GLI1: variants seen among roughly 807,000 people sequenced by gnomAD.
GLI1 encodes the protein transcription activator GLI1.
Under a neutral mutation model 87.8 loss-of-function variants are expected in GLI1, and 51 were observed. That is an observed-to-expected ratio of 0.58 (90% CI 0.46 to 0.73). The LOEUF (loss-of-function observed/expected upper bound fraction) is 0.73. GLI1 is among the 30% of genes least tolerant of loss of function. The pLI, the probability that GLI1 is intolerant of heterozygous loss-of-function variation, is 0.00. For missense variants in GLI1, 1,292 were observed against 1,437.2 expected (o/e 0.90, Z 1.63); for synonymous variants, 528 against 558.2 (o/e 0.95, Z 0.76).
intron 1 of GLI1, among the ~76,000 whole-genome samples, chr12:57,461,062 C>T (rs186098270): frequency 3.3e-5 from 5 of 152,048 alleles, no homozygotes; most frequent in African/African-American, 7.2e-5. Context: ...GACCACCCTG[C>T]CTGCCCTTGC....
Position 57,471,466 on chromosome 12 carries a change from T to C in GLI1, c.2726T>C (p.Leu909Pro). ...TATGTTCAATCTCAACAGGAGCTACTGTGGGAGGGTGGGGGCAGGGAAGAT... is the reference window on the plus strand; with the variant it reads ...TATGTTCAATCTCAACAGGAGCTACCGTGGGAGGGTGGGGGCAGGGAAGAT... The part of the protein sequence containing the change: ...CNYVQSQQEL[L>P]WEGGGREDAP... The change falls in exon 12 of 12, where the codon CTG becomes CCG. Residue 909 changes from leucine to proline, a missense_variant. Transcript: ENST00000228682. The surrounding 1 kb of genome is among the most constrained non-coding windows in gnomAD (Gnocchi z 4.9). The C allele has an allele frequency of 1.2e-6, 2 of 1,613,182 alleles. No individual in the cohort carries two copies. Among genetic ancestry groups the C allele is most frequent in the Non-Finnish European group, 1.7e-6 (2 of 1,179,348 alleles).
intron 11 of GLI1, 114 bp from the exon 12 acceptor site, chr12:57,470,203 T>A: frequency 1.3e-6 from 1 of 760,680 alleles, no homozygotes; most frequent in Non-Finnish European, 2.2e-6. Context: ...ACAGACTGGT[T>A]AGGGATAACG....
At position 57,468,109 on chromosome 12, in the gene GLI1, G is replaced by A. The variant is rs376293205; in HGVS notation, c.1193G>A (p.Arg398His). The change falls in exon 10 of 12, where the codon CGT becomes CAT. Residue 398 changes from arginine (R) to histidine (H), a missense_variant. By Grantham distance (29) the Arg-to-His change is conservative. Coordinates refer to ENST00000228682, the MANE Select transcript of GLI1 (RefSeq NM_005269.3). ...GPDAHVTKRHRGDGPLPRAPS... is the reference protein window; with the variant it reads ...GPDAHVTKRHHGDGPLPRAPS... The stretch of plus-strand genomic sequence containing the variant: ...GACGCCCATGTGACCAAACGGCACC[G>A]TGGGGATGGCCCCCTGCCTCGGGCA... 34 of 1,614,008 alleles carry A rather than the reference G, an allele frequency of 2.1e-5. No homozygotes were observed. Among genetic ancestry groups the A allele is most frequent in the East Asian group, 6.7e-5 (3 of 44,894 alleles).
chr12:57,463,175 T>C (rs1251304011), intron 1 of GLI1, among the ~76,000 whole-genome samples: 2 of 152,086 alleles, frequency 1.3e-5, no homozygotes, highest in Non-Finnish European at 2.9e-5. Context: ...CCTCTGCCTC[T>C]CTGGGACATC....
Position 57,470,810 on chromosome 12 carries a change from C to A in GLI1, c.2070C>A (p.Pro690=), listed in dbSNP as rs574150246. 3.1e-6 allele frequency: 5 copies of A among 1,611,192 alleles called. No homozygotes were observed. Among genetic ancestry groups the A allele is most frequent in the Non-Finnish European group, 4.2e-6 (5 of 1,178,424 alleles). The change falls in exon 12 of 12, where the codon CCC becomes CCA. Residue 690 remains proline (P), a synonymous_variant. Coordinates refer to ENST00000228682, the MANE Select transcript of GLI1 (RefSeq NM_005269.3). ...LPTSVYSPQP[P]SITENAAMDA... ...CCTCTGTCTACTCACCACAGCCCCCCAGCATCACTGAGAATGCTGCCATGG... is the reference window on the plus strand; with the variant it reads ...CCTCTGTCTACTCACCACAGCCCCCAAGCATCACTGAGAATGCTGCCATGG...
Position 57,472,171 on chromosome 12 carries a change from G to A in GLI1, c.*110G>A. 1 of 711,290 alleles carries A rather than the reference G, an allele frequency of 1.4e-6. No homozygotes were observed. The highest frequency in any genetic ancestry group is 2.2e-6 in the Non-Finnish European group (1 of 451,002). 44.1% of individuals were successfully genotyped at this position (711,290 alleles called of 1,614,324 possible). A position where few individuals can be genotyped will look rare whatever the true frequency, so the allele number is the denominator to read the frequency against. On this transcript the variant is annotated 3_prime_UTR_variant, in exon 12 of 12. Transcript: ENST00000228682. ...TGCACAAGATGCCCCAGGGATGGGAGGTATGGGCTGGGGGCTATGTATAGT... is the reference window on the plus strand; with the variant it reads ...TGCACAAGATGCCCCAGGGATGGGAAGTATGGGCTGGGGGCTATGTATAGT...
chr12:57,464,940 A>G, intron 4 of GLI1, 72 bp downstream of exon 4: 1 of 1,299,740 alleles, frequency 7.7e-7, no homozygotes, highest in Non-Finnish European at 1.1e-6. Context: ...AAGCCCTCAA[A>G]CTACCTAACC....
chr12:57,470,401 C>G lies in GLI1; in HGVS notation c.1661C>G (p.Thr554Ser). The G allele has an allele frequency of 1.9e-6, 3 of 1,613,788 alleles. No individual in the cohort carries two copies. Among genetic ancestry groups the G allele is most frequent in the South Asian group, 1.1e-5 (1 of 91,042 alleles). ...TCCAGCAGCATCAGCTCTGCCTATACTGTCAGCCGCCGCTCCTCCCTGGCC... is the reference window on the plus strand; with the variant it reads ...TCCAGCAGCATCAGCTCTGCCTATAGTGTCAGCCGCCGCTCCTCCCTGGCC... ...SSSSSISSAYTVSRRSSLASP... is the reference protein window; with the variant it reads ...SSSSSISSAYSVSRRSSLASP... The change falls in exon 12 of 12, where the codon ACT (threonine) becomes AGT (serine). Residue 554 changes from threonine to serine, a missense_variant. Thr to Ser is a moderately conservative substitution (Grantham distance 58). Transcript: ENST00000228682.
At position 57,467,463 on chromosome 12, in the gene GLI1, G is replaced by A. The variant is rs745587766; in HGVS notation, c.1043G>A (p.Arg348Gln). 1.2e-6 allele frequency: 2 copies of A among 1,609,570 alleles called. No homozygotes were observed. Among genetic ancestry groups the A allele is most frequent in the Non-Finnish European group, 1.7e-6 (2 of 1,176,202 alleles). ...AAAGCCTTCAGCAATGCCAGTGACC[G>A]AGCCAAGCACCAGAATCGGACCCAT... ...CSKAFSNASD[R>Q]AKHQNRTHSN... The change falls in exon 9 of 12, where the codon CGA becomes CAA. Residue 348 changes from arginine (R) to glutamine (Q), a missense_variant. Physicochemically the swap from Arg to Gln is conservative, Grantham distance 43. This residue lies in a region of GLI1 where 897 missense variants were observed against 1,040.7 expected (regional missense o/e 0.86). Transcript: ENST00000228682.
In GLI1 at chr12:57,465,858, TG is replaced by T; in HGVS notation, c.696del (p.Tyr233MetfsTer47). ...GAGGAGAAGCGTGAGCCTGAATCTG[TG>T]TATGAAACTGACTGCCGTTGGGATG... Reference protein sequence around the residue: ...EREEKREPESVYETDCRWDGC... With the variant: ...EREEKREPESXYETDCRWDGC... On this transcript the variant is annotated frameshift_variant, in exon 7 of 12. Coordinates refer to ENST00000228682, the MANE Select transcript of GLI1 (RefSeq NM_005269.3). LOFTEE classifies it high-confidence loss of function. The T allele has an allele frequency of 6.2e-7, 1 of 1,614,048 alleles. No individual in the cohort carries two copies. Among genetic ancestry groups the T allele is most frequent in the Non-Finnish European group, 8.5e-7 (1 of 1,179,892 alleles).
chr12:57,461,393 TGGA>T lies in GLI1; in HGVS notation c.-28+1195_-28+1197del, dbSNP rs1871130523. Among the ~76,000 whole-genome samples, 6 of 152,044 alleles carry T rather than the reference TGGA, an allele frequency of 3.9e-5. No individual in the cohort carries two copies. The South Asian group carries it at 1.2e-3, about 32-fold the overall frequency. On this transcript the variant is annotated intron_variant, in intron 1 of 11. Transcript: ENST00000228682. Reference sequence around the variant, plus strand: ...CGTCACCAGGGGGTTCCCGGGGGTCTGGAGGGGTTAACCCTTGGGAAGCCGGCT... The same window carrying T: ...CGTCACCAGGGGGTTCCCGGGGGTCTGGGGTTAACCCTTGGGAAGCCGGCT...
intron 7 of GLI1, 105 bp downstream of exon 7, chr12:57,466,030 G>A: frequency 4.2e-6 from 5 of 1,181,736 alleles, no homozygotes; most frequent in Non-Finnish European, 6.2e-6. Context: ...GGAGACTGAG[G>A]TTGAATGCTC....
At chr12:57,465,087 G>T (rs1452207138) in intron 4 of GLI1, 24 bp from the exon 5 acceptor site, 1 of 1,612,610 alleles carries the variant, frequency 6.2e-7, no homozygotes, top group Non-Finnish European at 8.5e-7. Context: ...ATTGTCTTAA[G>T]TAACTGCCTC....
chr12:57,470,437 C>T lies in GLI1; in HGVS notation c.1697C>T (p.Pro566Leu), dbSNP rs201050450. ...SRRSSLASPF[P>L]PGSPPENGAS... ...CGCTCCTCCCTGGCCTCTCCTTTCC[C>T]CCCTGGCTCCCCACCAGAGAATGGA... The change falls in exon 12 of 12, where the codon CCC (proline) becomes CTC (leucine). Residue 566 changes from proline to leucine, a missense_variant. By Grantham distance (98) the Pro-to-Leu change is moderately conservative (BLOSUM62 -3). Coordinates refer to ENST00000228682, the MANE Select transcript of GLI1 (RefSeq NM_005269.3). The T allele has an allele frequency of 1.2e-6, 2 of 1,614,188 alleles. No homozygotes were observed. Among genetic ancestry groups the T allele is most frequent in the African/African-American group, 1.3e-5 (1 of 75,062 alleles).
At chr12:57,461,447 C>T (rs1175331681) in intron 1 of GLI1, among the ~76,000 whole-genome samples, 3 of 151,954 alleles carry the variant, frequency 2.0e-5, no homozygotes, top group South Asian at 2.1e-4. Flanking sequence ...CTAAGGTGTC[C>T]GGGCCCCTCC....
In GLI1 at chr12:57,471,424, C is replaced by G; in HGVS notation, c.2684C>G (p.Ala895Gly). 4.3e-6 allele frequency: 7 copies of G among 1,613,900 alleles called. 1 individual carries two copies. The South Asian group carries it at 7.7e-5, about 18-fold the overall frequency. ...ACCCATTCCACAGGGCAGCTCAAGG[C>G]TCAGCTTGTGTGTAATTATGTTCAA... Reference protein sequence around the residue: ...SPTHSTGQLKAQLVCNYVQSQ... With the variant: ...SPTHSTGQLKGQLVCNYVQSQ... The change falls in exon 12 of 12, where the codon GCT becomes GGT. Residue 895 changes from alanine to glycine, a missense_variant. Transcript: ENST00000228682. The surrounding 1 kb of genome is among the most constrained non-coding windows in gnomAD (Gnocchi z 4.9).
chr12:57,471,857 T>C lies in GLI1; in HGVS notation c.3117T>C (p.Ser1039=). 2 of 1,588,636 alleles carry C rather than the reference T, an allele frequency of 1.3e-6. No individual in the cohort carries two copies. Among genetic ancestry groups the C allele is most frequent in the Non-Finnish European group, 1.7e-6 (2 of 1,168,308 alleles). The change falls in exon 12 of 12, where the codon TCT becomes TCC. Residue 1039 remains serine, a synonymous_variant. Transcript: ENST00000228682. The surrounding 1 kb of genome is among the most constrained non-coding windows in gnomAD (Gnocchi z 4.9). ...GACAGGTATGTAACCCCCTGGACTC[T>C]CTTGATCTTGACAACACTCAGCTGG... ...PEGQVCNPLD[S]LDLDNTQLDF...
rs780665940 is a variant in GLI1 at position 57,471,497 on chromosome 12, C to A, written c.2757C>A (p.Pro919=). The A allele has an allele frequency of 1.9e-5, 30 of 1,609,764 alleles. No homozygotes were observed. The highest frequency in any genetic ancestry group is 2.2e-5 in the East Asian group (1 of 44,862). The change falls in exon 12 of 12, where the codon CCC becomes CCA. Residue 919 remains proline (P), a synonymous_variant. Transcript: ENST00000228682. The surrounding 1 kb of genome is among the most constrained non-coding windows in gnomAD (Gnocchi z 4.9). ...LWEGGGREDA[P]AQEPSYQSPK... is the part of the protein sequence containing the mutation. ...AGGGTGGGGGCAGGGAAGATGCCCC[C>A]GCCCAGGAACCTTCCTACCAGAGTC...
Position 57,472,250 on chromosome 12 carries a change from G to T in GLI1, c.*189G>T. ...AATGACACTGTTTCCTGATAATAAAGGAACTGCATCAGAAAAAATACCATG... is the reference window on the plus strand; with the variant it reads ...AATGACACTGTTTCCTGATAATAAATGAACTGCATCAGAAAAAATACCATG... On this transcript the variant is annotated 3_prime_UTR_variant, in exon 12 of 12. Coordinates refer to ENST00000228682, the MANE Select transcript of GLI1 (RefSeq NM_005269.3). 1.7e-6 allele frequency: 1 copy of T among 595,974 alleles called. No homozygotes were observed. The highest frequency in any genetic ancestry group is 2.9e-6 in the Non-Finnish European group (1 of 350,440). 36.9% of individuals were successfully genotyped at this position (595,974 alleles called of 1,614,324 possible). A position where few individuals can be genotyped will look rare whatever the true frequency, so the allele number is the denominator to read the frequency against.
Sources: allele counts gnomAD v4.1 joint callset (sites outside exome capture counted in the v4.1 genomes callset), GRCh38; gene constraint gnomAD v4.1.1; regional missense constraint gnomAD v4.1.1; non-coding constraint Gnocchi (gnomAD v3.1); transcripts MANE v1.5; gene names NCBI Gene and HGNC (gene_info 2026-07-23, HGNC 2026-07-21).